NUTM1: variants seen among roughly 807,000 people sequenced by gnomAD.
NUTM1 encodes the protein NUT midline carcinoma family member 1, also known as NUT family member 1.
Under a neutral mutation model 88.7 loss-of-function variants are expected in NUTM1, and 39 were observed. That is an observed-to-expected ratio of 0.44 (90% CI 0.34 to 0.57). The LOEUF is 0.57. NUTM1 is among the 20% of genes least tolerant of loss of function. NUTM1 has a pLI of 0.01. For missense variants in NUTM1, 1,350 were observed against 1,414.5 expected, an observed-to-expected ratio of 0.95 and a Z score of 0.73; for synonymous variants, 494 against 538.0, an observed-to-expected ratio of 0.92 and a Z score of 1.13.
chr15:34,345,907 C>T, intron 1 of NUTM1, 35 bp from the exon 2 acceptor site: 2 of 1,612,354 alleles, frequency 1.2e-6, no homozygotes, highest in Middle Eastern at 1.7e-4. Context: ...CTTTACCTTC[C>T]CTTCCTTGGA....
chr15:34,345,829 CT>C, intron 1 of NUTM1, 112 bp from the exon 2 acceptor site: 2 of 1,452,828 alleles, frequency 1.4e-6, no homozygotes, highest in East Asian at 2.5e-5. Context: ...CCTCACCCCA[CT>C]TTTCCCTCTC....
At chr15:34,353,618 G>A in intron 4 of NUTM1, 118 bp from the exon 5 acceptor site, 1 of 1,223,672 alleles carries the variant, frequency 8.2e-7, no homozygotes, top group African/African-American at 1.5e-5. Flanking sequence ...ACATGACTTA[G>A]GCAGACTTTG....
chr15:34,356,350 C>CG lies in NUTM1; in HGVS notation c.2342_2343insG (p.Glu782Ter). 6.2e-7 allele frequency: 1 copy of CG among 1,613,886 alleles called. No homozygotes were observed. The highest frequency in any genetic ancestry group is 8.5e-7 in the Non-Finnish European group (1 of 1,179,938). On this transcript the variant is annotated frameshift_variant, in exon 8 of 8. Coordinates refer to ENST00000537011, the MANE Select transcript of NUTM1 (RefSeq NM_001284292.2). LOFTEE classifies it high-confidence loss of function. ...AGCTTCCAAGTTGAGAAGTGTGTAA[C>CG]TGAGTATCAGGAAGGCTGCCAGGGA...
Position 34,357,404 on chromosome 15 carries a change from G to C in NUTM1, c.3396G>C (p.Leu1132=). ...TCCCCAGGGAGAAACCCCTAGCTCT[G>C]GGAGTAGTTCGACCCTCACAGCCTC... ...LGVPREKPLA[L]GVVRPSQPRK... Residue 1132 remains leucine, a synonymous_variant, in exon 8 of 8, where the codon CTG becomes CTC. Transcript: ENST00000537011. The C allele has an allele frequency of 3.7e-6, 6 of 1,614,160 alleles. No homozygotes were observed. The highest frequency in any genetic ancestry group is 5.1e-6 in the Non-Finnish European group (6 of 1,180,026).
At position 34,348,045 on chromosome 15, in the gene NUTM1, CCCA is replaced by C. The variant is rs746774302; in HGVS notation, c.181_183del (p.Pro61del). 5 of 1,613,896 alleles carry C rather than the reference CCCA, an allele frequency of 3.1e-6. No individual in the cohort carries two copies. The South Asian group carries it at 5.5e-5, about 18-fold the overall frequency. Reference sequence around the variant, plus strand: ...CTCCATCCCCTGCACTTCCCTTTCTCCCACCAACTTCTGACCCACCAGACCACC... The same window carrying C: ...CTCCATCCCCTGCACTTCCCTTTCTCCCAACTTCTGACCCACCAGACCACC... On this transcript the variant is annotated inframe_deletion, in exon 3 of 8. Transcript: ENST00000537011.
rs530982716 is a variant in NUTM1, at chr15:34,357,607, G to A, written c.*116G>A. 10 of 1,583,760 alleles carry A rather than the reference G, an allele frequency of 6.3e-6. No homozygotes were observed. In the South Asian group the frequency reaches 1.1e-4, roughly 18 times the overall value. On this transcript the variant is annotated 3_prime_UTR_variant, in exon 8 of 8. Coordinates refer to ENST00000537011, the MANE Select transcript of NUTM1 (RefSeq NM_001284292.2). ...TCCCAATGTTGAATCTCATCCCAAT[G>A]TTGTTTTGTTGTTCTGCAAAAGTGG...
At chr15:34,344,716 C>G (rs1456427866) in intron 1 of NUTM1, among the ~76,000 whole-genome samples, 1 of 151,708 alleles carries the variant, frequency 6.6e-6, no homozygotes, top group Non-Finnish European at 1.5e-5. Flanking sequence ...GTATTTATTA[C>G]CTGTTAAAAA....
Position 34,348,171 on chromosome 15 carries a change from AGGGGAT to A in NUTM1, c.308_313del (p.Asp103_Gly104del), listed in dbSNP as rs1028971027. 1 of 1,613,702 alleles carries A rather than the reference AGGGGAT, an allele frequency of 6.2e-7. No individual in the cohort carries two copies. Among genetic ancestry groups the A allele is most frequent in the Non-Finnish European group, 8.5e-7 (1 of 1,179,694 alleles). ...CTTTCCCCAGCTCACTGTTGGTGAC[AGGGGAT>A]GGGGGCCCTTGCCTCAGTGGGGCTG... On this transcript the variant is annotated inframe_deletion, in exon 3 of 8. Transcript: ENST00000537011.
In NUTM1 at chr15:34,357,714, A is replaced by AT; in HGVS notation, c.*223_*224insT. 2 of 790,800 alleles carry AT rather than the reference A, an allele frequency of 2.5e-6. No individual in the cohort carries two copies. The highest frequency in any genetic ancestry group is 5.4e-5 in the East Asian group (2 of 37,228). 49.0% of individuals were successfully genotyped at this position (790,800 alleles called of 1,614,324 possible). On this transcript the variant is annotated 3_prime_UTR_variant, in exon 8 of 8. Coordinates refer to ENST00000537011, the MANE Select transcript of NUTM1 (RefSeq NM_001284292.2). ...GGAGCTATATAGAAAAAAAATGAAT[A>AT]AAGTGTTTTGTTGGAAAATGCTCTC...
chr15:34,355,869 G>A lies in NUTM1; in HGVS notation c.1861G>A (p.Val621Ile). Residue 621 changes from valine (V) to isoleucine (I), a missense_variant, in exon 8 of 8, where the codon GTA becomes ATA. This residue lies in a region of NUTM1 where 730 missense variants were observed against 728.8 expected (regional missense o/e 1.00). Coordinates refer to ENST00000537011, the MANE Select transcript of NUTM1 (RefSeq NM_001284292.2). This position sits in a 1 kb window ranked among gnomAD's most constrained non-coding sequence, Gnocchi z 4.3. ...RRGSGKVINQ[V>I]SLHQDGHLGG... is the part of the protein sequence containing the mutation. ...AGGGTCTGGGAAGGTTATAAACCAG[G>A]TATCTCTACATCAGGATGGCCATCT... The A allele has an allele frequency of 3.1e-6, 5 of 1,613,910 alleles. No individual in the cohort carries two copies. Among genetic ancestry groups the A allele is most frequent in the Non-Finnish European group, 4.2e-6 (5 of 1,179,962 alleles).
intron 1 of NUTM1, among the ~76,000 whole-genome samples, chr15:34,345,632 A>T (rs1310198560): frequency 6.6e-6 from 1 of 152,218 alleles, no homozygotes; most frequent in Non-Finnish European, 1.5e-5. Flanking sequence ...ACAAAATGAG[A>T]TATGTTGGTG....
Position 34,355,556 on chromosome 15 carries a change from C to G in NUTM1, c.1548C>G (p.Gly516=). 1 of 1,614,044 alleles carries G rather than the reference C, an allele frequency of 6.2e-7. No individual in the cohort carries two copies. The highest frequency in any genetic ancestry group is 8.5e-7 in the Non-Finnish European group (1 of 1,179,910). The change falls in exon 8 of 8, where the codon GGC becomes GGG. Residue 516 remains glycine (G), a synonymous_variant. Transcript: ENST00000537011. The surrounding 1 kb of genome is among the most constrained non-coding windows in gnomAD (Gnocchi z 4.3). ...EDAEAPPSFS[G]AQLDSSPSGS... ...CAGAGGCGCCTCCAAGTTTCAGTGG[C>G]GCTCAGTTGGACTCAAGTCCTTCTG...
chr15:34,351,574 G>T (rs999590), intron 4 of NUTM1, among the ~76,000 whole-genome samples: 19,839 of 151,952 alleles, frequency 0.13, 1,585 homozygotes, highest in Non-Finnish European at 0.19. Flanking sequence ...GTAGGTCTTA[G>T]GATGGGATTG....
chr15:34,347,376 GC>G (rs992171760), intron 2 of NUTM1, among the ~76,000 whole-genome samples: 3 of 151,586 alleles, frequency 2.0e-5, no homozygotes, highest in Non-Finnish European at 2.9e-5. Flanking sequence ...TCCCACCCCA[GC>G]CCCCCAAGTA....
intron 2 of NUTM1, among the ~76,000 whole-genome samples, chr15:34,347,734 TC>T (rs1890622508): frequency 1.3e-5 from 2 of 152,006 alleles, no homozygotes; most frequent in South Asian, 4.2e-4. Context: ...GCGTCTGTAG[TC>T]CCAGCTACAC....
At position 34,354,728 on chromosome 15, in the gene NUTM1, C is replaced by A; in HGVS notation, c.1358C>A (p.Ser453Tyr). The A allele has an allele frequency of 6.2e-7, 1 of 1,614,046 alleles. No individual in the cohort carries two copies. The highest frequency in any genetic ancestry group is 1.1e-5 in the South Asian group (1 of 91,012). Residue 453 changes from serine to tyrosine, a missense_variant, in exon 6 of 8, where the codon TCC becomes TAC. Transcript: ENST00000537011. Reference sequence around the variant, plus strand: ...CTGTGTTCTCAGAAGGTCTTTGTCTCCAAGGTGAGCTGGGCCTGCACATCT... The same window carrying A: ...CTGTGTTCTCAGAAGGTCTTTGTCTACAAGGTGAGCTGGGCCTGCACATCT... ...NELCSQKVFV[S>Y]KVEAVIHPQF... is the part of the protein sequence containing the mutation.
Position 34,348,213 on chromosome 15 carries a change from GGTCATTGTCAAA to G in NUTM1, c.350_361del (p.Ile117_Val120del). The G allele has an allele frequency of 6.2e-7, 1 of 1,614,234 alleles. No homozygotes were observed. Among genetic ancestry groups the G allele is most frequent in the Non-Finnish European group, 8.5e-7 (1 of 1,180,046 alleles). On this transcript the variant is annotated inframe_deletion, in exon 3 of 8. Transcript: ENST00000537011. The stretch of plus-strand genomic sequence containing the variant: ...GCCTCAGTGGGGCTGGGGCTGGCAA[GGTCATTGTCAAA>G]GTCAAGACAGAAGGGGGGTCAGCTG...
Position 34,348,264 on chromosome 15 carries a change from T to C in NUTM1, c.396T>C (p.Thr132=), listed in dbSNP as rs1378761232. 1 of 1,614,092 alleles carries C rather than the reference T, an allele frequency of 6.2e-7. No individual in the cohort carries two copies. The highest frequency in any genetic ancestry group is 1.3e-5 in the African/African-American group (1 of 74,918). The change falls in exon 3 of 8, where the codon ACT becomes ACC. Residue 132 remains threonine (T), a synonymous_variant. Transcript: ENST00000537011. ...TEGGSAEPSQ[T]QNFILTQTAL... Reference sequence around the variant, plus strand: ...GGGGGTCAGCTGAGCCCTCTCAAACTCAGAACTTTATCCTTACTCAGACTG... The same window carrying C: ...GGGGGTCAGCTGAGCCCTCTCAAACCCAGAACTTTATCCTTACTCAGACTG...
rs1481429235 is a variant in NUTM1 at position 34,348,072 on chromosome 15, C to T, written c.204C>T (p.His68=). The T allele has an allele frequency of 1.9e-6, 3 of 1,614,136 alleles. No individual in the cohort carries two copies. The highest frequency in any genetic ancestry group is 2.5e-6 in the Non-Finnish European group (3 of 1,180,018). The change falls in exon 3 of 8, where the codon CAC becomes CAT. Residue 68 remains histidine (H), a synonymous_variant. Coordinates refer to ENST00000537011, the MANE Select transcript of NUTM1 (RefSeq NM_001284292.2). ...FLPPTSDPPD[H]PPREPPPQPI... ...CACCAACTTCTGACCCACCAGACCA[C>T]CCACCCAGGGAGCCACCTCCACAGC...
Sources: allele counts gnomAD v4.1 joint callset (sites outside exome capture counted in the v4.1 genomes callset), GRCh38; gene constraint gnomAD v4.1.1; regional missense constraint gnomAD v4.1.1; non-coding constraint Gnocchi (gnomAD v3.1); transcripts MANE v1.5; gene names NCBI Gene and HGNC (gene_info 2026-07-23, HGNC 2026-07-21).